Variants in SLC9B1 observed in about 807,000 individuals in gnomAD.
SLC9B1 encodes sodium/hydrogen exchanger 9B1.
Under a neutral mutation model 51.7 loss-of-function variants are expected in SLC9B1, and 32 were observed. The ratio of observed to expected loss-of-function variants is 0.62; its 90% CI spans 0.47 to 0.83. The LOEUF (loss-of-function observed/expected upper bound fraction) is 0.83, where lower values mean the gene tolerates loss of function less well. Among genes scored for constraint, SLC9B1 ranks in the 40% least tolerant of loss-of-function variants. The probability of loss-of-function intolerance (pLI) is 0.00; values close to 1 mark genes in which losing one functional copy is unlikely to be tolerated. For synonymous variants in SLC9B1, 145 were observed against 212.7 expected, an observed-to-expected ratio of 0.68 and a Z score of 2.77; for missense variants, 406 against 613.2, an observed-to-expected ratio of 0.66 and a Z score of 3.57.
chr4:103,018,934 C>T (rs1158483015), intron 1 of SLC9B1, among the ~76,000 whole-genome samples: 1 of 152,142 alleles, frequency 6.6e-6, no homozygotes, highest in Admixed American at 6.5e-5. Context: ...GGAGCACAGA[C>T]CTGATTATGA....
chr4:102,997,109 C>T (rs928137044), intron 1 of SLC9B1, among the ~76,000 whole-genome samples: 1 of 152,280 alleles, frequency 6.6e-6, no homozygotes, highest in East Asian at 1.9e-4. Context: ...ATATTGACAT[C>T]TGGTGTTGGT....
At chr4:102,985,245 C>T (rs942286185) in intron 3 of SLC9B1, among the ~76,000 whole-genome samples, 4 of 152,096 alleles carry the variant, frequency 2.6e-5, no homozygotes, top group African/African-American at 7.2e-5. Flanking sequence ...ATTTTTGACC[C>T]ACTCTAGCAA....
At chr4:103,007,742 C>T (rs1740864528) in intron 1 of SLC9B1, among the ~76,000 whole-genome samples, 2 of 151,866 alleles carry the variant, frequency 1.3e-5, no homozygotes, top group Admixed American at 1.3e-4. Flanking sequence ...GTAGCTGGGA[C>T]TACAGACATG....
chr4:102,961,986 GA>G, intron 3 of SLC9B1: 1 of 260,080 alleles, frequency 3.8e-6, no homozygotes, highest in South Asian at 4.3e-5. Flanking sequence ...CTGTGTGGCA[GA>G]CTGTGGCATC....
chr4:102,994,289 A>C (rs1411581690), intron 1 of SLC9B1, among the ~76,000 whole-genome samples: 1 of 152,134 alleles, frequency 6.6e-6, no homozygotes, highest in Non-Finnish European at 1.5e-5. Context: ...AGTTCTACAG[A>C]TCTCTGGGGC....
chr4:102,993,004 C>T (rs1740025340), intron 1 of SLC9B1, among the ~76,000 whole-genome samples: 1 of 152,160 alleles, frequency 6.6e-6, no homozygotes, highest in African/African-American at 2.4e-5. Flanking sequence ...GCTACCTATA[C>T]CTTGTCCCAC....
At chr4:102,957,293 A>G (rs551668289) in intron 3 of SLC9B1, among the ~76,000 whole-genome samples, 1 of 152,346 alleles carries the variant, frequency 6.6e-6, no homozygotes, top group Non-Finnish European at 1.5e-5. Flanking sequence ...CAAAAATGTT[A>G]TGAAAAACAT....
At chr4:102,923,082 A>G (rs1735966562) in intron 7 of SLC9B1, among the ~76,000 whole-genome samples, 1 of 152,206 alleles carries the variant, frequency 6.6e-6, no homozygotes, top group African/African-American at 2.4e-5. Flanking sequence ...TCCTGATACC[A>G]AAGCCTGGCA....
intron 1 of SLC9B1, among the ~76,000 whole-genome samples, chr4:103,004,774 C>T (rs1375730263): frequency 6.6e-6 from 1 of 152,054 alleles, no homozygotes; most frequent in Non-Finnish European, 1.5e-5. Flanking sequence ...GATTGAGGGG[C>T]CTATATTCAG....
rs1741650031 is a variant in SLC9B1, at chr4:103,019,655, C to T, written c.-58G>A. ...GGGAGCGGCCCAGGAGCCCAGTGAC[C>T]GTTGCGTAAGCCACGCGCCACCCAG... On this transcript the variant is annotated 5_prime_UTR_variant, in exon 1 of 12. Transcript: ENST00000296422. The T allele has an allele frequency of 4.1e-6, 4 of 985,354 alleles. No homozygotes were observed. Among genetic ancestry groups the T allele is most frequent in the Admixed American group, 1.2e-4 (2 of 16,272 alleles). 61.0% of individuals were successfully genotyped at this position (985,354 alleles called of 1,614,324 possible).
chr4:102,918,667 G>C (rs563916662), intron 7 of SLC9B1, among the ~76,000 whole-genome samples: 1 of 152,278 alleles, frequency 6.6e-6, no homozygotes, highest in East Asian at 1.9e-4. Flanking sequence ...AGAGGCTTAA[G>C]GGAGTTTACT....
chr4:103,013,141 A>C (rs752287026), intron 1 of SLC9B1, among the ~76,000 whole-genome samples: 2 of 152,330 alleles, frequency 1.3e-5, no homozygotes, highest in South Asian at 4.1e-4. Flanking sequence ...AAGGTTTGCT[A>C]TACATGGAAT....
chr4:103,009,638 C>G (rs1241058616), intron 1 of SLC9B1, among the ~76,000 whole-genome samples: 1 of 152,134 alleles, frequency 6.6e-6, no homozygotes, highest in Non-Finnish European at 1.5e-5. Context: ...AGTCTATTCT[C>G]TTATCTACTA....
At chr4:102,955,869 G>GAAAT (rs1368872561) in intron 3 of SLC9B1, among the ~76,000 whole-genome samples, 1 of 136,688 alleles carries the variant, frequency 7.3e-6, no homozygotes, top group Non-Finnish European at 1.5e-5. Flanking sequence ...AAGAAAGAAA[G>GAAAT]AAAGAAAGAA....
At chr4:103,009,576 T>C (rs1740984535) in intron 1 of SLC9B1, among the ~76,000 whole-genome samples, 2 of 152,244 alleles carry the variant, frequency 1.3e-5, no homozygotes, top group Admixed American at 1.3e-4. Flanking sequence ...GCTCTTTTCC[T>C]TCCACTGAGA....
intron 1 of SLC9B1, among the ~76,000 whole-genome samples, chr4:103,002,722 A>G (rs944219300): frequency 1.3e-5 from 2 of 152,208 alleles, no homozygotes; most frequent in African/African-American, 4.8e-5. Context: ...ATGCTATTCC[A>G]TTGCCTCTGA....
chr4:102,901,007 A>G lies in SLC9B1; in HGVS notation c.*110T>C. The G allele has an allele frequency of 6.5e-7, 1 of 1,532,072 alleles. No homozygotes were observed. The highest frequency in any genetic ancestry group is 8.8e-7 in the Non-Finnish European group (1 of 1,142,850). The allele number at this position is 1,532,072 out of a possible 1,614,324, so 94.9% of individuals were successfully genotyped here. A position where few individuals can be genotyped will look rare whatever the true frequency, so the allele number is the denominator to read the frequency against. ...AGCCCTGTACTGAAATCACATGTTT[A>G]CTAAATCCTGGATTCTCTGTACAGT... On this transcript the variant is annotated 3_prime_UTR_variant, in exon 12 of 12. Coordinates refer to ENST00000296422, the MANE Select transcript of SLC9B1 (RefSeq NM_139173.4).
At chr4:102,968,015 T>A (rs925462907) in intron 3 of SLC9B1, among the ~76,000 whole-genome samples, 1 of 152,142 alleles carries the variant, frequency 6.6e-6, no homozygotes, top group African/African-American at 2.4e-5. Flanking sequence ...TAAAATTATA[T>A]AGAAATACAA....
At chr4:103,008,975 AT>A (rs1304287019) in intron 1 of SLC9B1, among the ~76,000 whole-genome samples, 2 of 151,550 alleles carry the variant, frequency 1.3e-5, no homozygotes, top group Non-Finnish European at 2.9e-5. Context: ...AATTTTTTGT[AT>A]TTTTAGTAGA....
Sources: allele counts gnomAD v4.1 joint callset (sites outside exome capture counted in the v4.1 genomes callset), GRCh38; gene constraint gnomAD v4.1.1; transcripts MANE v1.5; gene names NCBI Gene and HGNC (gene_info 2026-07-23, HGNC 2026-07-21).